IL1RAPL2: variants seen among roughly 807,000 people sequenced by gnomAD.
IL1RAPL2 encodes X-linked interleukin-1 receptor accessory protein-like 2.
Under a neutral mutation model 44.1 loss-of-function variants are expected in IL1RAPL2, and 3 were observed. That is an observed-to-expected ratio of 0.07 (90% CI 0.03 to 0.18). The LOEUF (loss-of-function observed/expected upper bound fraction) is 0.18. IL1RAPL2 is among the 10% of genes least tolerant of loss of function. IL1RAPL2 has a pLI of 1.00. For synonymous variants in IL1RAPL2, 181 were observed against 178.8 expected (o/e 1.01, Z -0.10); for missense variants, 391 against 496.4 (o/e 0.79, Z 2.02).
intron 2 of IL1RAPL2, among the ~76,000 whole-genome samples, chrX:104,814,423 G>C (rs766369025): frequency 1.7e-4 from 19 of 112,011 alleles, no homozygotes; most frequent in Admixed American, 4.7e-4. Flanking sequence ...TCCCTAACAG[G>C]ATTTGAAACT....
chrX:105,365,858 T>TGGCATGATCTTGA (rs1173531934), intron 5 of IL1RAPL2, among the ~76,000 whole-genome samples: 20 of 110,381 alleles, frequency 1.8e-4, no homozygotes, highest in Non-Finnish European at 3.2e-4. Context: ...CTCATTGCAG[T>TGGCATGATCTTGA]CTCTGCCTCC....
intron 6 of IL1RAPL2, among the ~76,000 whole-genome samples, chrX:105,571,096 G>C (rs1464717269): frequency 9.0e-6 from 1 of 111,306 alleles, no homozygotes; most frequent in Non-Finnish European, 1.9e-5. Flanking sequence ...TAGAACCTTA[G>C]AATCATAACC....
intron 2 of IL1RAPL2, among the ~76,000 whole-genome samples, chrX:105,037,850 T>C (rs1404627786): frequency 8.9e-6 from 1 of 111,752 alleles, no homozygotes; most frequent in Non-Finnish European, 1.9e-5. Flanking sequence ...TCGAAAGAGT[T>C]TTTCACAATC....
intron 1 of IL1RAPL2, among the ~76,000 whole-genome samples, chrX:104,612,317 A>T (rs1929179187): frequency 1.8e-5 from 2 of 111,921 alleles, no homozygotes; most frequent in South Asian, 7.5e-4. Flanking sequence ...CTATAATCTC[A>T]GGTCTTATAT....
intron 2 of IL1RAPL2, among the ~76,000 whole-genome samples, chrX:104,779,077 C>A (rs1932756696): frequency 8.9e-6 from 1 of 111,985 alleles, no homozygotes; most frequent in Non-Finnish European, 1.9e-5. Context: ...ACTTCTTCTC[C>A]CTTTTTAAAG....
chrX:105,576,491 G>A (rs2037051177), intron 6 of IL1RAPL2, among the ~76,000 whole-genome samples: 2 of 111,354 alleles, frequency 1.8e-5, no homozygotes, highest in South Asian at 7.5e-4. Context: ...TGAACTTCTA[G>A]TAAGTCAATA....
At chrX:105,455,166 C>T (rs1280179311) in intron 5 of IL1RAPL2, among the ~76,000 whole-genome samples, 1 of 111,973 alleles carries the variant, frequency 8.9e-6, no homozygotes, top group African/African-American at 3.2e-5. Context: ...CAGTGAGACA[C>T]AAGAGAATAC....
chrX:105,331,733 A>G (rs2034988094), intron 5 of IL1RAPL2, among the ~76,000 whole-genome samples: 1 of 111,735 alleles, frequency 8.9e-6, no homozygotes, highest in South Asian at 3.7e-4. Flanking sequence ...AACAGGCATA[A>G]CTGTCTTTAT....
intron 6 of IL1RAPL2, among the ~76,000 whole-genome samples, chrX:105,547,919 G>A (rs539429156): frequency 8.9e-6 from 1 of 112,330 alleles, no homozygotes; most frequent in African/African-American, 3.2e-5. Context: ...AAAATTTGTG[G>A]CTATTAAGTA....
chrX:105,357,056 T>C (rs2035208604), intron 5 of IL1RAPL2, among the ~76,000 whole-genome samples: 1 of 111,773 alleles, frequency 8.9e-6, no homozygotes, highest in Non-Finnish European at 1.9e-5. Context: ...GATGCTTGTT[T>C]ACATCATTAG....
At chrX:104,782,579 T>G (rs1932780254) in intron 2 of IL1RAPL2, among the ~76,000 whole-genome samples, 1 of 112,009 alleles carries the variant, frequency 8.9e-6, no homozygotes, top group South Asian at 3.8e-4. Context: ...GTTGTTACCA[T>G]TATAATATTG....
At chrX:104,729,907 T>G (rs781046416) in intron 2 of IL1RAPL2, among the ~76,000 whole-genome samples, 1 of 111,488 alleles carries the variant, frequency 9.0e-6, no homozygotes, top group Admixed American at 9.6e-5. Context: ...CTGTATGCTC[T>G]TGACCAGGGA....
intron 2 of IL1RAPL2, among the ~76,000 whole-genome samples, chrX:104,824,244 A>G (rs1367668365): frequency 8.9e-6 from 1 of 111,822 alleles, no homozygotes; most frequent in Non-Finnish European, 1.9e-5. Flanking sequence ...AGCTGACTTG[A>G]TTGTGGTGGA....
intron 1 of IL1RAPL2, among the ~76,000 whole-genome samples, chrX:104,615,055 T>C (rs1929240840): frequency 9.0e-6 from 1 of 111,456 alleles, no homozygotes; most frequent in African/African-American, 3.3e-5. Flanking sequence ...GTAGTTTGTA[T>C]TGTGTGGTTG....
chrX:105,207,357 C>A (rs1556153354), intron 3 of IL1RAPL2, among the ~76,000 whole-genome samples: 1 of 111,473 alleles, frequency 9.0e-6, no homozygotes, highest in African/African-American at 3.3e-5. Context: ...AAATTGTATC[C>A]TAGAAAACAT....
Position 105,051,681 on chromosome X carries a change from G to A in IL1RAPL2, c.83-143794G>A, listed in dbSNP as rs568469219. Among the ~76,000 whole-genome samples the A allele has an allele frequency of 3.4e-4, 39 of 113,257 alleles. 1 individual carries two copies. In the South Asian group the frequency reaches 0.012, roughly 35 times the overall value. On this transcript the variant is annotated intron_variant, in intron 2 of 10. Transcript: ENST00000372582. The stretch of plus-strand genomic sequence containing the variant: ...TCCTGCCCTAACTCAGAAAGGGCGG[G>A]CCTCCCACCGGCTGCATGGAGTGTG...
intron 6 of IL1RAPL2, among the ~76,000 whole-genome samples, chrX:105,540,449 T>C (rs1569451997): frequency 9.0e-6 from 1 of 110,573 alleles, no homozygotes; most frequent in Non-Finnish European, 1.9e-5. Flanking sequence ...AATTACTGCA[T>C]GTTCTCACAA....
intron 2 of IL1RAPL2, among the ~76,000 whole-genome samples, chrX:105,079,932 T>C (rs1309953656): frequency 8.9e-6 from 1 of 112,307 alleles, no homozygotes; most frequent in Non-Finnish European, 1.9e-5. Context: ...GGTTTGGATT[T>C]ACATTTCTCT....
In IL1RAPL2 at chrX:104,937,558, G is replaced by T. The variant is rs6652904; in HGVS notation, c.83-257917G>T. 4.7e-3 allele frequency among the ~76,000 whole-genome samples: 529 copies of T among 112,332 alleles called. 2 individuals are homozygous for T. Among genetic ancestry groups the T allele is most frequent in the African/African-American group, 0.016 (496 of 30,928 alleles). ...TTACTTGGCCACACCTGGATCCAAG[G>T]ATTGGCTGGGAATTGCAGTATCTGA... On this transcript the variant is annotated intron_variant, in intron 2 of 10. Transcript: ENST00000372582.
Sources: gnomAD v4.1 joint callset for allele counts (sites outside exome capture counted in the v4.1 genomes callset) on GRCh38, gnomAD v4.1.1 for gene constraint, MANE v1.5 for transcripts, NCBI Gene and HGNC (gene_info 2026-07-23, HGNC 2026-07-21) for gene names.